Variants in LYSMD3 observed in about 807,000 individuals in gnomAD.
LYSMD3 encodes the protein LysM domain containing 3, also known as lysM and putative peptidoglycan-binding domain-containing protein 3.
In LYSMD3, 13 loss-of-function variants were observed where a neutral mutation model predicts 26.1. The observed-to-expected ratio is 0.50, with a 90% confidence interval of 0.32 to 0.79. The LOEUF (loss-of-function observed/expected upper bound fraction) is 0.79, where lower values mean the gene tolerates loss of function less well. LYSMD3 is among the 30% of genes least tolerant of loss of function. The pLI is 0.03. For missense variants in LYSMD3, 331 were observed against 362.5 expected (o/e 0.91, Z 0.71); for synonymous variants, 109 against 119.4 (o/e 0.91, Z 0.57).
intron 2 of LYSMD3, among the ~76,000 whole-genome samples, chr5:90,524,229 G>A (rs1753161284): frequency 6.6e-6 from 1 of 152,140 alleles, no homozygotes; most frequent in Non-Finnish European, 1.5e-5. Flanking sequence ...GGTCATGAGG[G>A]TGTCCATGAT....
intron 2 of LYSMD3, among the ~76,000 whole-genome samples, chr5:90,521,678 T>C (rs1753092537): frequency 6.6e-6 from 1 of 151,966 alleles, no homozygotes; most frequent in African/African-American, 2.4e-5. Flanking sequence ...TACTAATAAC[T>C]ACTTAATACT....
intron 1 of LYSMD3, 65 bp downstream of exon 1, chr5:90,529,383 C>T (rs1753304075): frequency 2.2e-5 from 10 of 456,348 alleles, no homozygotes; most frequent in South Asian, 1.5e-4. Flanking sequence ...CCCGTGAGGA[C>T]GCAGCTGGGG....
At position 90,529,571 on chromosome 5, in the gene LYSMD3, C is replaced by G; in HGVS notation, c.-135G>C. The G allele has an allele frequency of 4.4e-6, 2 of 456,248 alleles. No homozygotes were observed. Among genetic ancestry groups the G allele is most frequent in the Non-Finnish European group, 4.4e-6 (1 of 226,742 alleles). 28.3% of individuals were successfully genotyped at this position (456,248 alleles called of 1,614,324 possible). A position where few individuals can be genotyped will look rare whatever the true frequency, so the allele number is the denominator to read the frequency against. On this transcript the variant is annotated 5_prime_UTR_variant, in exon 1 of 3. Transcript: ENST00000315948. ...CTGACCCCGTCCGCCTCCGCCTCTG[C>G]CGCCAACGTCTCCGCCTTCCGGGCC...
At chr5:90,524,402 T>C (rs1250443531) in intron 2 of LYSMD3, among the ~76,000 whole-genome samples, 2 of 152,178 alleles carry the variant, frequency 1.3e-5, no homozygotes, top group African/African-American at 4.8e-5. Context: ...TTAATGCTGG[T>C]TATCTCAAGA....
At position 90,519,152 on chromosome 5, in the gene LYSMD3, A is replaced by G; in HGVS notation, c.588T>C (p.Phe196=). The change falls in exon 3 of 3, where the codon TTT becomes TTC. Residue 196 remains phenylalanine, a synonymous_variant. Coordinates refer to ENST00000315948, the MANE Select transcript of LYSMD3 (RefSeq NM_198273.2). ...GTTGAGTGTTTTTGTTATCAGGTTC[A>G]AAACGCATTTGTTGTGCTGTTAAGG... ...VSALTAQQMR[F]EPDNKNTQRK... 3.1e-6 allele frequency: 5 copies of G among 1,614,128 alleles called. No homozygotes were observed. The highest frequency in any genetic ancestry group is 4.2e-6 in the Non-Finnish European group (5 of 1,179,988).
rs905715347 is a variant in LYSMD3 at position 90,516,788 on chromosome 5, CAA to C, written c.*2029_*2030del. ...CTTCAAAAAAGGATACTCTGCAAGA[CAA>C]ATGATTTTTAATCAACAAATACACA... On this transcript the variant is annotated 3_prime_UTR_variant, in exon 3 of 3. Coordinates refer to ENST00000315948, the MANE Select transcript of LYSMD3 (RefSeq NM_198273.2). 1.3e-5 allele frequency: 2 copies of C among 152,340 alleles called. No homozygotes were observed. The highest frequency in any genetic ancestry group is 2.9e-5 in the Non-Finnish European group (2 of 67,872). 9.4% of individuals were successfully genotyped at this position (152,340 alleles called of 1,614,324 possible).
At chr5:90,523,963 T>C (rs557244644) in intron 2 of LYSMD3, among the ~76,000 whole-genome samples, 4 of 152,226 alleles carry the variant, frequency 2.6e-5, no homozygotes, top group African/African-American at 9.6e-5. Context: ...TGGGTCCAAA[T>C]AGAGTATAGT....
intron 2 of LYSMD3, among the ~76,000 whole-genome samples, chr5:90,524,406 C>G (rs1753165854): frequency 1.3e-5 from 2 of 152,136 alleles, no homozygotes; most frequent in African/African-American, 4.8e-5. Context: ...TGCTGGTTAT[C>G]TCAAGAAATT....
rs1753197281 is a variant in LYSMD3, at chr5:90,525,316, A to G, written c.-11-16T>C. The G allele has an allele frequency of 6.4e-7, 1 of 1,563,692 alleles. No homozygotes were observed. Among genetic ancestry groups the G allele is most frequent in the Non-Finnish European group, 8.6e-7 (1 of 1,158,626 alleles). On this transcript the variant is annotated splice_polypyrimidine_tract_variant and intron_variant, in intron 1 of 2. Transcript: ENST00000315948. ...ATGTTAAAATCTGGAGGAAAAAAAA[A>G]GCAGAGAAAATTTTGGAATGTAGCT...
intron 2 of LYSMD3, among the ~76,000 whole-genome samples, chr5:90,523,996 C>G (rs1229355026): frequency 6.6e-6 from 1 of 152,090 alleles, no homozygotes. Flanking sequence ...TAAAAATACA[C>G]CTTTCCTCTT....
chr5:90,521,915 T>A (rs1030942044), intron 2 of LYSMD3, among the ~76,000 whole-genome samples: 7 of 152,172 alleles, frequency 4.6e-5, no homozygotes, highest in Admixed American at 3.9e-4. Context: ...TTTTAAATGA[T>A]AGATCCTTTT....
At position 90,517,081 on chromosome 5, in the gene LYSMD3, CT is replaced by C. The variant is rs1752969997; in HGVS notation, c.*1737del. On this transcript the variant is annotated 3_prime_UTR_variant, in exon 3 of 3. Coordinates refer to ENST00000315948, the MANE Select transcript of LYSMD3 (RefSeq NM_198273.2). ...TAAGCATAAATTATATCACACTCTTCTTTTCAAGATGCCCAAGGCACATTAA... is the reference window on the plus strand; with the variant it reads ...TAAGCATAAATTATATCACACTCTTCTTTCAAGATGCCCAAGGCACATTAA... 1 of 152,426 alleles carries C rather than the reference CT, an allele frequency of 6.6e-6. No individual in the cohort carries two copies. Among genetic ancestry groups the C allele is most frequent in the Admixed American group, 6.5e-5 (1 of 15,268 alleles). 9.4% of individuals were successfully genotyped at this position (152,426 alleles called of 1,614,324 possible). A position where few individuals can be genotyped will look rare whatever the true frequency, so the allele number is the denominator to read the frequency against.
chr5:90,526,350 T>C (rs993185785), intron 1 of LYSMD3, among the ~76,000 whole-genome samples: 7 of 152,352 alleles, frequency 4.6e-5, no homozygotes, highest in Non-Finnish European at 7.3e-5. Context: ...TGTTCATTTA[T>C]ACTTTAGAAA....
chr5:90,523,478 A>G (rs1363597227), intron 2 of LYSMD3, among the ~76,000 whole-genome samples: 1 of 151,948 alleles, frequency 6.6e-6, no homozygotes, highest in Non-Finnish European at 1.5e-5. Flanking sequence ...ATTACAGGTA[A>G]TCAATAAAAG....
At chr5:90,525,341 T>C in intron 1 of LYSMD3, 41 bp from the exon 2 acceptor site, 1 of 1,531,914 alleles carries the variant, frequency 6.5e-7, no homozygotes, top group Non-Finnish European at 8.8e-7. Context: ...GGAATGTAGC[T>C]GATCCAACTG....
Position 90,516,977 on chromosome 5 carries a change from A to C in LYSMD3, c.*1842T>G, listed in dbSNP as rs1752967884. 6.6e-6 allele frequency: 1 copy of C among 152,468 alleles called. No individual in the cohort carries two copies. Among genetic ancestry groups the C allele is most frequent in the South Asian group, 2.1e-4 (1 of 4,832 alleles). The allele number at this position is 152,468 out of a possible 1,614,324, so 9.4% of individuals were successfully genotyped here. On this transcript the variant is annotated 3_prime_UTR_variant, in exon 3 of 3. Coordinates refer to ENST00000315948, the MANE Select transcript of LYSMD3 (RefSeq NM_198273.2). The stretch of plus-strand genomic sequence containing the variant: ...AAGGACACCTGGCCTGTTTACCCTA[A>C]AATAATCTGCATTTTCTTCCTTAAA...
intron 2 of LYSMD3, 88 bp from the exon 3 acceptor site, chr5:90,519,572 G>GA (rs1049803742): frequency 7.9e-4 from 1,020 of 1,299,068 alleles, no homozygotes; most frequent in African/African-American, 2.6e-3. Flanking sequence ...ACTTTTGGAG[G>GA]AAAAAAAAAG....
At chr5:90,521,112 G>A (rs1006553467) in intron 2 of LYSMD3, among the ~76,000 whole-genome samples, 3 of 152,028 alleles carry the variant, frequency 2.0e-5, no homozygotes, top group African/African-American at 7.2e-5. Flanking sequence ...TAAAAGCATG[G>A]ATAACTGGGT....
At chr5:90,527,795 T>A (rs1753260062) in intron 1 of LYSMD3, among the ~76,000 whole-genome samples, 1 of 152,216 alleles carries the variant, frequency 6.6e-6, no homozygotes, top group African/African-American at 2.4e-5. Flanking sequence ...TTTCTAGGCA[T>A]ATACTTATCA....
Sources: gnomAD v4.1 joint callset for allele counts (sites outside exome capture counted in the v4.1 genomes callset) on GRCh38, gnomAD v4.1.1 for gene constraint, MANE v1.5 for transcripts, NCBI Gene and HGNC (gene_info 2026-07-23, HGNC 2026-07-21) for gene names.